ARHGEF9: variants seen among roughly 807,000 people sequenced by gnomAD.
The protein encoded by ARHGEF9 is rho guanine nucleotide exchange factor 9.
In ARHGEF9, 2 loss-of-function variants were observed where a neutral mutation model predicts 41.3. That is an observed-to-expected ratio of 0.05 (90% CI 0.02 to 0.15). The LOEUF (loss-of-function observed/expected upper bound fraction) is 0.15. Among genes scored for constraint, ARHGEF9 ranks in the 10% least tolerant of loss-of-function variants. The probability of loss-of-function intolerance (pLI) is 1.00; values close to 1 mark genes in which losing one functional copy is unlikely to be tolerated. For synonymous variants in ARHGEF9, 160 were observed against 154.4 expected (o/e 1.04, Z -0.27); for missense variants, 225 against 424.7 (o/e 0.53, Z 4.13).
chrX:63,671,072 T>C (rs782701691), intron 6 of ARHGEF9, among the ~76,000 whole-genome samples: 52 of 112,678 alleles, frequency 4.6e-4, no homozygotes, highest in Non-Finnish European at 6.8e-4. Flanking sequence ...CTCCTCTTTT[T>C]CATTTGACAA....
chrX:63,750,791 A>G (rs1556440104), intron 1 of ARHGEF9, among the ~76,000 whole-genome samples: 1 of 111,730 alleles, frequency 9.0e-6, no homozygotes, highest in East Asian at 2.8e-4. Flanking sequence ...GGAATTTGAA[A>G]CCAGGAGTTT....
At chrX:63,760,094 G>GA (rs371746019) in intron 1 of ARHGEF9, among the ~76,000 whole-genome samples, 44 of 104,619 alleles carry the variant, frequency 4.2e-4, no homozygotes, top group African/African-American at 7.6e-4. Context: ...TTCTGTCAGG[G>GA]AAAAAAAAAA....
At chrX:63,644,182 T>G (rs1556309845) in intron 8 of ARHGEF9, 134 bp from the exon 9 acceptor site, 22 of 430,424 alleles carry the variant, frequency 5.1e-5, no homozygotes, top group Non-Finnish European at 8.3e-5. Context: ...AAAAAAAAAA[T>G]CATTCCCTTT....
chrX:63,770,457 C>T (rs1178534120), intron 1 of ARHGEF9, among the ~76,000 whole-genome samples: 1 of 112,135 alleles, frequency 8.9e-6, no homozygotes, highest in Non-Finnish European at 1.9e-5. Context: ...TTTGCAGGCT[C>T]ATAGGTGGAA....
At chrX:63,785,091 G>A in intron 1 of ARHGEF9, 25 bp downstream of exon 1, 11 of 1,164,102 alleles carry the variant, frequency 9.4e-6, no homozygotes, top group South Asian at 1.9e-5. Context: ...CTCAAGCAAG[G>A]GAAGCCAAGG....
At chrX:63,751,925 C>T (rs2055662821) in intron 1 of ARHGEF9, among the ~76,000 whole-genome samples, 1 of 110,258 alleles carries the variant, frequency 9.1e-6, no homozygotes, top group Non-Finnish European at 1.9e-5. Context: ...GTCTGTCAGG[C>T]TCACAGAGGA....
chrX:63,661,758 TTCTCTCTCTC>T (rs199903174), intron 7 of ARHGEF9, among the ~76,000 whole-genome samples: 4 of 106,159 alleles, frequency 3.8e-5, no homozygotes, highest in East Asian at 3.0e-4. Context: ...TGCTCTCCTT[TTCTCTCTCTC>T]TCTCTCTCTC....
intron 4 of ARHGEF9, among the ~76,000 whole-genome samples, chrX:63,684,091 G>A (rs1308891392): frequency 1.0e-4 from 11 of 109,768 alleles, no homozygotes; most frequent in Non-Finnish European, 1.5e-4. Context: ...TATACATAAA[G>A]TGGTTAATAT....
chrX:63,716,670 A>T (rs1556410383), intron 2 of ARHGEF9, among the ~76,000 whole-genome samples: 1 of 111,881 alleles, frequency 8.9e-6, no homozygotes, highest in African/African-American at 3.3e-5. Context: ...AGCACACTAA[A>T]CAACCTGACG....
intron 8 of ARHGEF9, chrX:63,644,266 A>C (rs1253862100): frequency 5.9e-6 from 2 of 337,034 alleles, no homozygotes; most frequent in East Asian, 4.7e-5. Context: ...TACAAAATGC[A>C]CAACACAGAA....
At chrX:63,771,487 C>A (rs1340797320) in intron 1 of ARHGEF9, among the ~76,000 whole-genome samples, 1 of 111,564 alleles carries the variant, frequency 9.0e-6, no homozygotes, top group Non-Finnish European at 1.9e-5. Context: ...TTTTAATAGA[C>A]GAGATTTACG....
intron 3 of ARHGEF9, among the ~76,000 whole-genome samples, chrX:63,699,966 G>A (rs1322787135): frequency 2.7e-5 from 3 of 111,935 alleles, no homozygotes; most frequent in Non-Finnish European, 5.6e-5. Flanking sequence ...GCTGGTTTTT[G>A]TTCCTATTTT....
intron 3 of ARHGEF9, among the ~76,000 whole-genome samples, chrX:63,702,064 C>T (rs1556396326): frequency 8.9e-6 from 1 of 112,324 alleles, no homozygotes; most frequent in African/African-American, 3.2e-5. Context: ...TTAAAATATA[C>T]CAAATGGAAA....
At chrX:63,756,489 CCATAAAAAGGAATGAACTACTGATA>C (rs1187270361) in intron 1 of ARHGEF9, among the ~76,000 whole-genome samples, 2 of 111,934 alleles carry the variant, frequency 1.8e-5, no homozygotes, top group Non-Finnish European at 3.8e-5. Context: ...TATTATTTAA[CCATAAAAAGGAATGAACTACTGATA>C]CATGCTACAA....
rs191258494 is a variant in ARHGEF9, at chrX:63,656,968, C to T, written c.1078-1231G>A. The T allele has an allele frequency of 6.3e-5, 7 of 111,903 alleles. No individual in the cohort carries two copies. The East Asian group carries it at 2.0e-3, about 32-fold the overall frequency. 9.2% of individuals were successfully genotyped at this position (111,903 alleles called of 1,213,427 possible). ...AGGGATGGAAGAAATGACATATAGGCCTATGGAATGTCAGATCTTATAAAT... is the reference window on the plus strand; with the variant it reads ...AGGGATGGAAGAAATGACATATAGGTCTATGGAATGTCAGATCTTATAAAT... On this transcript the variant is annotated intron_variant, in intron 7 of 9. Coordinates refer to ENST00000671741, the MANE Select transcript of ARHGEF9 (RefSeq NM_001353921.2).
chrX:63,649,315 T>C (rs1427043150), intron 8 of ARHGEF9, among the ~76,000 whole-genome samples: 2 of 110,727 alleles, frequency 1.8e-5, no homozygotes, highest in East Asian at 5.6e-4. Flanking sequence ...ACATGGAAAC[T>C]GAACAACCTG....
At chrX:63,650,172 G>T (rs1569434527) in intron 8 of ARHGEF9, among the ~76,000 whole-genome samples, 1 of 111,420 alleles carries the variant, frequency 9.0e-6, no homozygotes, top group Non-Finnish European at 1.9e-5. Context: ...CAATGCCACT[G>T]CTGGGTATGT....
intron 3 of ARHGEF9, among the ~76,000 whole-genome samples, chrX:63,703,661 T>C (rs1183932040): frequency 8.9e-6 from 1 of 111,878 alleles, no homozygotes; most frequent in East Asian, 2.8e-4. Context: ...CTGCCCTTCA[T>C]GGAAAGTACA....
At chrX:63,784,739 C>A (rs1478490008) in intron 1 of ARHGEF9, among the ~76,000 whole-genome samples, 12 of 111,043 alleles carry the variant, frequency 1.1e-4, no homozygotes, top group Non-Finnish European at 1.9e-4. Flanking sequence ...CCCCCACAAC[C>A]CCGTGCCAGC....
Sources: gnomAD v4.1 joint callset for allele counts (sites outside exome capture counted in the v4.1 genomes callset) on GRCh38, gnomAD v4.1.1 for gene constraint, MANE v1.5 for transcripts, NCBI Gene and HGNC (gene_info 2026-07-23, HGNC 2026-07-21) for gene names.